Variants in CLIC4 observed in about 807,000 individuals in gnomAD.
CLIC4 encodes chloride intracellular channel protein 4.
A neutral mutation model predicts 24.6 loss-of-function variants in CLIC4; 13 were observed. The ratio of observed to expected loss-of-function variants is 0.53; its 90% confidence interval spans 0.34 to 0.84. The LOEUF (loss-of-function observed/expected upper bound fraction) is 0.84. Among genes scored for constraint, CLIC4 ranks in the 40% least tolerant of loss-of-function variants. The pLI is 0.01. For synonymous variants in CLIC4, 104 were observed against 111.3 expected (o/e 0.93, Z 0.41); for missense variants, 227 against 301.7 (o/e 0.75, Z 1.83).
chr1:24,758,540 C>A (rs1045447682), intron 1 of CLIC4, among the ~76,000 whole-genome samples: 2 of 152,068 alleles, frequency 1.3e-5, no homozygotes, highest in Admixed American at 6.5e-5. Context: ...TCACTGCAAC[C>A]TCCACCTCCT....
At chr1:24,770,946 G>A (rs965638794) in intron 1 of CLIC4, among the ~76,000 whole-genome samples, 5 of 152,058 alleles carry the variant, frequency 3.3e-5, no homozygotes, top group Admixed American at 1.3e-4. Flanking sequence ...GTAATAGAAC[G>A]GAATGATGGA....
intron 4 of CLIC4, among the ~76,000 whole-genome samples, chr1:24,833,389 AC>A (rs1159423663): frequency 6.9e-4 from 3 of 4,344 alleles, no homozygotes; most frequent in Admixed American, 3.4e-3. Context: ...CAGGGGGCTG[AC>A]CCCCCCACCT....
At chr1:24,803,774 A>G (rs1023707969) in intron 2 of CLIC4, among the ~76,000 whole-genome samples, 2 of 152,258 alleles carry the variant, frequency 1.3e-5, no homozygotes, top group African/African-American at 2.4e-5. Flanking sequence ...ATGGCATAGT[A>G]TAGAAAATTT....
chr1:24,763,684 T>C (rs1247146501), intron 1 of CLIC4, among the ~76,000 whole-genome samples: 1 of 152,172 alleles, frequency 6.6e-6, no homozygotes, highest in African/African-American at 2.4e-5. Context: ...CTCTTCTTTG[T>C]TTCCATATGA....
At chr1:24,778,547 T>C (rs893507807) in intron 1 of CLIC4, among the ~76,000 whole-genome samples, 13 of 152,194 alleles carry the variant, frequency 8.5e-5, no homozygotes, top group Non-Finnish European at 1.9e-4. Context: ...TTCTTTCATT[T>C]GTTGTCATTC....
chr1:24,792,768 A>G lies in CLIC4; in HGVS notation c.73-4974A>G, dbSNP rs143199606. ...TCTGATATACCTGAAACAAAAGTAA[A>G]TTGAGAAAATTTGCTAGAAAATTTT... On this transcript the variant is annotated intron_variant, in intron 1 of 5. Coordinates refer to ENST00000374379, the MANE Select transcript of CLIC4 (RefSeq NM_013943.3). Among the ~76,000 whole-genome samples, 6 of 152,344 alleles carry G rather than the reference A, an allele frequency of 3.9e-5. No individual in the cohort carries two copies. The East Asian group carries it at 1.2e-3, about 29-fold the overall frequency.
chr1:24,814,370 T>A, intron 3 of CLIC4, 151 bp downstream of exon 3: 1 of 935,600 alleles, frequency 1.1e-6, no homozygotes, highest in South Asian at 1.7e-5. Flanking sequence ...GATATAAGAA[T>A]TGGCTTCCAG....
At chr1:24,796,864 A>AT (rs1402659490) in intron 1 of CLIC4, among the ~76,000 whole-genome samples, 3 of 152,156 alleles carry the variant, frequency 2.0e-5, no homozygotes, top group Non-Finnish European at 2.9e-5. Context: ...CATATTGGAC[A>AT]TTGGCAATAT....
intron 1 of CLIC4, among the ~76,000 whole-genome samples, chr1:24,787,845 ATT>A (rs60149402): frequency 0.011 from 1,590 of 141,764 alleles, 19 homozygotes; most frequent in African/African-American, 0.042. Flanking sequence ...GTGCCCGGCC[ATT>A]TTTTTTTTTT....
Position 24,839,840 on chromosome 1 carries a change from CTCT to C in CLIC4, c.416-18_416-16del, listed in dbSNP as rs760228398. 1.2e-6 allele frequency: 2 copies of C among 1,600,302 alleles called. No individual in the cohort carries two copies. The highest frequency in any genetic ancestry group is 2.7e-5 in the African/African-American group (2 of 74,218). ...GTTTTCCTTCTTACAGTATTCTCAT[CTCT>C]TTTTTTCCCCCCCAAGCACTGGAGA... On this transcript the variant is annotated splice_polypyrimidine_tract_variant and intron_variant, in intron 4 of 5. Transcript: ENST00000374379.
At chr1:24,809,068 A>C (rs1434153165) in intron 2 of CLIC4, among the ~76,000 whole-genome samples, 3 of 152,196 alleles carry the variant, frequency 2.0e-5, no homozygotes, top group Non-Finnish European at 2.9e-5. Flanking sequence ...TTTTGTGAAA[A>C]ACTTGAGCTT....
rs549924762 is a variant in CLIC4 at position 24,783,212 on chromosome 1, A to G, written c.73-14530A>G. ...TTACAGTTATAATTTCAATAAATTA[A>G]TCTCTCTCCCCACCTGCCTTTTCCA... On this transcript the variant is annotated intron_variant, in intron 1 of 5. Coordinates refer to ENST00000374379, the MANE Select transcript of CLIC4 (RefSeq NM_013943.3). Among the ~76,000 whole-genome samples the G allele has an allele frequency of 3.9e-5, 6 of 152,278 alleles. No individual in the cohort carries two copies. In the East Asian group the frequency reaches 1.2e-3, roughly 29 times the overall value.
intron 1 of CLIC4, among the ~76,000 whole-genome samples, chr1:24,764,935 T>C (rs1004202732): frequency 8.5e-5 from 13 of 152,224 alleles, no homozygotes; most frequent in African/African-American, 3.1e-4. Flanking sequence ...AAGTGCCTAC[T>C]AGGAACTGCT....
At chr1:24,773,889 G>A (rs1449629520) in intron 1 of CLIC4, among the ~76,000 whole-genome samples, 1 of 151,306 alleles carries the variant, frequency 6.6e-6, no homozygotes, top group Non-Finnish European at 1.5e-5. Context: ...GTGAGCCATT[G>A]CACCCAGCCA....
intron 2 of CLIC4, among the ~76,000 whole-genome samples, chr1:24,806,511 T>TA (rs944094592): frequency 2.0e-4 from 31 of 152,280 alleles, no homozygotes; most frequent in Middle Eastern, 3.4e-3. Context: ...TTTATTTATT[T>TA]AAAAAAATAT....
chr1:24,800,748 G>A (rs2124137218), intron 2 of CLIC4, among the ~76,000 whole-genome samples: 1 of 152,348 alleles, frequency 6.6e-6, no homozygotes, highest in Non-Finnish European at 1.5e-5. Context: ...TTGGGATCTT[G>A]TTGGTCTGTG....
chr1:24,836,880 A>G (rs1639891084), intron 4 of CLIC4, among the ~76,000 whole-genome samples: 1 of 152,232 alleles, frequency 6.6e-6, no homozygotes, highest in African/African-American at 2.4e-5. Flanking sequence ...AAGTTTCTAC[A>G]TGTTTGAAAA....
chr1:24,828,828 A>G (rs781701762), intron 4 of CLIC4, among the ~76,000 whole-genome samples: 18 of 152,230 alleles, frequency 1.2e-4, no homozygotes, highest in Non-Finnish European at 1.6e-4. Flanking sequence ...GCTGTAACCA[A>G]TAAGAACAAA....
At chr1:24,804,753 G>C (rs1051307263) in intron 2 of CLIC4, among the ~76,000 whole-genome samples, 2 of 151,998 alleles carry the variant, frequency 1.3e-5, no homozygotes, top group African/African-American at 4.8e-5. Context: ...TTCTAAACCT[G>C]TTATCAGTAT....
Sources: gnomAD v4.1 joint callset for allele counts (sites outside exome capture counted in the v4.1 genomes callset) on GRCh38, gnomAD v4.1.1 for gene constraint, MANE v1.5 for transcripts, NCBI Gene and HGNC (gene_info 2026-07-23, HGNC 2026-07-21) for gene names.